Variants in ARID1B observed in about 807,000 individuals in gnomAD.
The protein encoded by ARID1B is AT-rich interaction domain 1B.
ARID1B carries 30 observed loss-of-function variants against 212.3 expected under a neutral mutation model. The observed-to-expected ratio is 0.14, with a 90% CI of 0.11 to 0.19. The LOEUF (loss-of-function observed/expected upper bound fraction) is 0.19, where lower values mean the gene tolerates loss of function less well. Among genes scored for constraint, ARID1B ranks in the 10% least tolerant of loss-of-function variants. ARID1B has a pLI of 1.00. For synonymous variants in ARID1B, 1,402 were observed against 1,301.7 expected, an observed-to-expected ratio of 1.08 and a Z score of -1.66; for missense variants, 2,891 against 3,204.0, an observed-to-expected ratio of 0.90 and a Z score of 2.36.
At chr6:157,092,585 C>A (rs1785346596) in intron 5 of ARID1B, among the ~76,000 whole-genome samples, 1 of 152,236 alleles carries the variant, frequency 6.6e-6, no homozygotes, top group African/African-American at 2.4e-5. Context: ...TCTTTTCAAT[C>A]TTTCATTCCA....
chr6:157,053,743 GTTTGA>G (rs779892971), intron 4 of ARID1B, among the ~76,000 whole-genome samples: 6 of 152,090 alleles, frequency 3.9e-5, no homozygotes, highest in Non-Finnish European at 7.4e-5. Flanking sequence ...CTTTCTATAA[GTTTGA>G]TTTATTATGA....
At chr6:156,940,351 T>C (rs1411242019) in intron 4 of ARID1B, 1 of 152,250 alleles carries the variant, frequency 6.6e-6, no homozygotes, top group Non-Finnish European at 1.5e-5. Flanking sequence ...GTTTGATCTT[T>C]CTGAGTTAAC....
At chr6:156,982,634 C>T (rs778349580) in intron 4 of ARID1B, among the ~76,000 whole-genome samples, 1 of 151,900 alleles carries the variant, frequency 6.6e-6, no homozygotes, top group African/African-American at 2.4e-5. Context: ...CTGTTTTCTG[C>T]GTGGGAGATA....
chr6:156,805,098 A>G (rs969206732), intron 1 of ARID1B, among the ~76,000 whole-genome samples: 2 of 152,196 alleles, frequency 1.3e-5, no homozygotes, highest in Admixed American at 1.3e-4. Flanking sequence ...AATTATAACT[A>G]TGCATTTGTT....
intron 1 of ARID1B, among the ~76,000 whole-genome samples, chr6:156,801,196 CTTTTTTTTTTTT>C (rs397887993): frequency 9.4e-6 from 1 of 105,938 alleles, no homozygotes; most frequent in African/African-American, 3.8e-5. Context: ...CTTGAATAAT[CTTTTTTTTTTTT>C]TTTTTTTTTT....
At chr6:157,135,222 G>A (rs1788830389) in intron 7 of ARID1B, among the ~76,000 whole-genome samples, 1 of 151,838 alleles carries the variant, frequency 6.6e-6, no homozygotes, top group African/African-American at 2.4e-5. Context: ...TACTCTTTCT[G>A]AAGTTCTTTT....
intron 1 of ARID1B, among the ~76,000 whole-genome samples, chr6:156,813,241 C>G (rs1781736784): frequency 6.6e-6 from 1 of 150,690 alleles, no homozygotes; most frequent in Non-Finnish European, 1.5e-5. Context: ...GTAGCTACAA[C>G]TGTAGGCGCA....
chr6:157,179,290 C>T (rs1792337998), intron 11 of ARID1B, among the ~76,000 whole-genome samples: 1 of 152,098 alleles, frequency 6.6e-6, no homozygotes, highest in African/African-American at 2.4e-5. Flanking sequence ...ATAACTGTCC[C>T]ATTAATGACG....
chr6:157,096,350 G>C (rs6916789), intron 5 of ARID1B, among the ~76,000 whole-genome samples: 1 of 152,010 alleles, frequency 6.6e-6, no homozygotes. Flanking sequence ...AATTCAAAAG[G>C]AGAGAGTTCT....
At chr6:156,816,847 T>G (rs963640989) in intron 1 of ARID1B, among the ~76,000 whole-genome samples, 15 of 151,888 alleles carry the variant, frequency 9.9e-5, no homozygotes, top group African/African-American at 3.6e-4. Context: ...CCTTCTGGAG[T>G]TTGGATTTTT....
chr6:157,087,826 C>T (rs946611724), intron 5 of ARID1B, among the ~76,000 whole-genome samples: 5 of 151,078 alleles, frequency 3.3e-5, no homozygotes, highest in Non-Finnish European at 7.4e-5. Flanking sequence ...AGTCCACGTT[C>T]CTCTTGGAGT....
At chr6:157,021,646 G>A (rs1366787307) in intron 4 of ARID1B, among the ~76,000 whole-genome samples, 2 of 152,100 alleles carry the variant, frequency 1.3e-5, no homozygotes, top group African/African-American at 2.4e-5. Flanking sequence ...AGCCTTTGTG[G>A]GACCCCGCGG....
At chr6:157,196,967 T>C (rs1793772030) in intron 16 of ARID1B, among the ~76,000 whole-genome samples, 1 of 152,208 alleles carries the variant, frequency 6.6e-6, no homozygotes, top group African/African-American at 2.4e-5. Context: ...GGACTGATGA[T>C]GCAGAGTGAT....
intron 8 of ARID1B, among the ~76,000 whole-genome samples, chr6:157,153,167 G>A (rs1196090820): frequency 1.3e-5 from 2 of 152,088 alleles, no homozygotes; most frequent in East Asian, 1.9e-4. Flanking sequence ...AGGTAAAATC[G>A]ACCTGCTGCA....
chr6:156,929,429 C>T (rs1228781179), intron 3 of ARID1B, among the ~76,000 whole-genome samples: 1 of 152,196 alleles, frequency 6.6e-6, no homozygotes, highest in Non-Finnish European at 1.5e-5. Flanking sequence ...CAGGCATCCT[C>T]TCTGTGGAAG....
intron 5 of ARID1B, among the ~76,000 whole-genome samples, chr6:157,100,081 G>C (rs1002866993): frequency 6.6e-6 from 1 of 152,158 alleles, no homozygotes; most frequent in East Asian, 1.9e-4. Flanking sequence ...TCAAAGCAGG[G>C]GCTTAACTCC....
chr6:156,869,320 A>G (rs990280761), intron 2 of ARID1B, among the ~76,000 whole-genome samples: 6 of 152,196 alleles, frequency 3.9e-5, no homozygotes, highest in African/African-American at 1.2e-4. Context: ...GGTATAGTTC[A>G]TTCATCTTCT....
intron 12 of ARID1B, among the ~76,000 whole-genome samples, chr6:157,183,947 C>A (rs1388880305): frequency 1.3e-5 from 2 of 152,098 alleles, no homozygotes; most frequent in African/African-American, 2.4e-5. Flanking sequence ...TTTGAGATGC[C>A]CTTTTTCCTT....
At chr6:156,893,482 G>A (rs1036312452) in intron 2 of ARID1B, among the ~76,000 whole-genome samples, 1 of 152,076 alleles carries the variant, frequency 6.6e-6, no homozygotes, top group Non-Finnish European at 1.5e-5. Flanking sequence ...GGAGACTATC[G>A]AGAGAGTGAA....
Sources: gnomAD v4.1 joint callset for allele counts (sites outside exome capture counted in the v4.1 genomes callset) on GRCh38, gnomAD v4.1.1 for gene constraint, MANE v1.5 for transcripts, NCBI Gene and HGNC (gene_info 2026-07-23, HGNC 2026-07-21) for gene names.